The following UNC13C variants were observed in gnomAD, a reference collection of about 807,000 sequenced individuals.
UNC13C encodes unc-13 homolog C, also known as protein unc-13 homolog C.
A neutral mutation model predicts 245.4 loss-of-function variants in UNC13C; 174 were observed. The observed-to-expected ratio is 0.71, with a 90% CI of 0.63 to 0.80. The LOEUF (loss-of-function observed/expected upper bound fraction) is 0.80, where lower values mean the gene tolerates loss of function less well. Ranked by LOEUF, UNC13C falls within the 30% of genes least tolerant of loss-of-function variation. The pLI is 0.00. For missense variants in UNC13C, 2,829 were observed against 2,602.9 expected (o/e 1.09, Z -1.89); for synonymous variants, 992 against 895.1 (o/e 1.11, Z -1.93).
chr15:53,868,818 A>C, the UNC13C span, among the ~76,000 whole-genome samples: 2 of 152,246 alleles, frequency 1.3e-5, no homozygotes, highest in Non-Finnish European at 2.9e-5. Flanking sequence ...CACTAGGGCC[A>C]TATTAAAAAC....
At chr15:54,519,730 C>G (rs946632658) in intron 24 of UNC13C, among the ~76,000 whole-genome samples, 4 of 152,110 alleles carry the variant, frequency 2.6e-5, no homozygotes, top group Non-Finnish European at 5.9e-5. Context: ...TAGAGCTGGG[C>G]ACATTTGTTT....
intron 2 of UNC13C, among the ~76,000 whole-genome samples, chr15:54,072,501 C>T (rs1898376831): frequency 6.6e-6 from 1 of 152,152 alleles, no homozygotes; most frequent in African/African-American, 2.4e-5. Flanking sequence ...GCGCACATCA[C>T]CCAAAGAGTT....
Position 54,156,244 on chromosome 15 carries a change from CT to C in UNC13C, c.3071+12566del, listed in dbSNP as rs537563449. 5.3e-5 allele frequency among the ~76,000 whole-genome samples: 8 copies of C among 152,238 alleles called. No homozygotes were observed. The East Asian group carries it at 1.5e-3, about 29-fold the overall frequency. On this transcript the variant is annotated intron_variant, in intron 4 of 32. Transcript: ENST00000260323. ...AGGTGCACTCAGGCATAGCAGGCAT[CT>C]TTTTTGCTTTGAGAATTTTTACACA...
At chr15:53,867,254 C>T in the UNC13C span, among the ~76,000 whole-genome samples, 3 of 152,000 alleles carry the variant, frequency 2.0e-5, no homozygotes, top group Non-Finnish European at 2.9e-5. Context: ...TATGCTGGTA[C>T]AGGAACACAA....
At chr15:53,992,811 C>T (rs941286996) in intron 1 of UNC13C, among the ~76,000 whole-genome samples, 13 of 152,058 alleles carry the variant, frequency 8.5e-5, no homozygotes, top group African/African-American at 3.1e-4. Flanking sequence ...TAATTAATCA[C>T]TCTTCACTTT....
intron 10 of UNC13C, among the ~76,000 whole-genome samples, chr15:54,291,938 A>G (rs775466026): frequency 6.6e-6 from 1 of 152,024 alleles, no homozygotes; most frequent in Non-Finnish European, 1.5e-5. Flanking sequence ...CTTGGATACA[A>G]CTACCCTAGA....
the UNC13C span, chr15:53,947,489 C>T: frequency 2.4e-4 from 37 of 152,168 alleles, no homozygotes; most frequent in African/African-American, 8.9e-4. Context: ...AGTTCAATTC[C>T]TTTTGCAGCA....
chr15:54,546,927 C>T (rs1438751951), intron 27 of UNC13C, 82 bp downstream of exon 27: 5 of 1,227,388 alleles, frequency 4.1e-6, no homozygotes, highest in South Asian at 1.6e-5. Flanking sequence ...AGATGAAATA[C>T]TAATTAAATC....
intron 4 of UNC13C, among the ~76,000 whole-genome samples, chr15:54,158,637 C>CT (rs1161138364): frequency 1.3e-5 from 2 of 151,202 alleles, no homozygotes; most frequent in Non-Finnish European, 2.9e-5. Context: ...TTAATATTAG[C>CT]TTTTTTTCTT....
At chr15:54,041,888 T>TG (rs1237333147) in intron 2 of UNC13C, among the ~76,000 whole-genome samples, 1 of 152,316 alleles carries the variant, frequency 6.6e-6, no homozygotes, top group African/African-American at 2.4e-5. Flanking sequence ...GTTTTGAAGT[T>TG]GGGGGTATAG....
chr15:54,337,956 A>G (rs1335671545), intron 16 of UNC13C, among the ~76,000 whole-genome samples: 1 of 152,136 alleles, frequency 6.6e-6, no homozygotes, highest in African/African-American at 2.4e-5. Context: ...AACATGCATC[A>G]TCATGTAATA....
Position 54,078,854 on chromosome 15 carries a change from C to T in UNC13C, c.2983+62968C>T, listed in dbSNP as rs1898779749. On this transcript the variant is annotated intron_variant, in intron 2 of 32. Coordinates refer to ENST00000260323, the MANE Select transcript of UNC13C (RefSeq NM_001080534.3). ...TCTATTTTTGTTTCTGTCGCATTTA[C>T]TTTTGAAGTCTTAATTATAAATTTT... Among the ~76,000 whole-genome samples, 2 of 151,938 alleles carry T rather than the reference C, an allele frequency of 1.3e-5. 1 individual carries two copies. The highest frequency in any genetic ancestry group is 4.1e-4 in the South Asian group (2 of 4,824).
At chr15:54,128,010 A>G (rs2031171693) in intron 2 of UNC13C, among the ~76,000 whole-genome samples, 1 of 151,984 alleles carries the variant, frequency 6.6e-6, no homozygotes, top group African/African-American at 2.4e-5. Flanking sequence ...TTCTATACCT[A>G]GGATATCCTA....
chr15:53,964,437 G>T, the UNC13C span, among the ~76,000 whole-genome samples: 3 of 152,104 alleles, frequency 2.0e-5, no homozygotes, highest in African/African-American at 7.2e-5. Context: ...ATCCCTATGG[G>T]TGTCAACCAA....
At chr15:54,123,112 T>C (rs1042118866) in intron 2 of UNC13C, among the ~76,000 whole-genome samples, 1 of 151,974 alleles carries the variant, frequency 6.6e-6, no homozygotes, top group Non-Finnish European at 1.5e-5. Context: ...ACTCTTATTA[T>C]TGTCAGTCTT....
chr15:54,438,060 T>C (rs564265664), intron 19 of UNC13C, among the ~76,000 whole-genome samples: 2 of 152,022 alleles, frequency 1.3e-5, no homozygotes, highest in East Asian at 3.9e-4. Flanking sequence ...TCATCATCAG[T>C]TTAGTCTCTT....
At chr15:54,551,920 C>G (rs908561698) in intron 28 of UNC13C, among the ~76,000 whole-genome samples, 3 of 151,584 alleles carry the variant, frequency 2.0e-5, no homozygotes, top group Non-Finnish European at 4.4e-5. Flanking sequence ...TAGAATGTCA[C>G]TCCCATTTAA....
At chr15:53,934,583 T>C in the UNC13C span, among the ~76,000 whole-genome samples, 3 of 152,218 alleles carry the variant, frequency 2.0e-5, no homozygotes, top group Admixed American at 6.5e-5. Flanking sequence ...ATGTTTGTAA[T>C]TGACATTATC....
At chr15:53,989,957 T>G (rs1049204450) in intron 1 of UNC13C, among the ~76,000 whole-genome samples, 1 of 151,932 alleles carries the variant, frequency 6.6e-6, no homozygotes, top group Admixed American at 6.6e-5. Context: ...GATTCCATAT[T>G]TATGTTTCTT....
Sources: allele counts gnomAD v4.1 joint callset (sites outside exome capture counted in the v4.1 genomes callset), GRCh38; gene constraint gnomAD v4.1.1; transcripts MANE v1.5; gene names NCBI Gene and HGNC (gene_info 2026-07-23, HGNC 2026-07-21).